The following CLEC18B variants were observed in gnomAD, a reference collection of about 807,000 sequenced individuals.
CLEC18B encodes the protein C-type lectin domain family 18 member B.
CLEC18B carries 5 observed loss-of-function variants against 60.4 expected under a neutral mutation model. The observed-to-expected ratio is 0.08, with a 90% CI of 0.04 to 0.17. The LOEUF (loss-of-function observed/expected upper bound fraction) is 0.17, where lower values mean the gene tolerates loss of function less well. CLEC18B is among the 10% of genes least tolerant of loss of function. CLEC18B has a pLI of 1.00. For synonymous variants in CLEC18B, 16 were observed against 221.2 expected (o/e 0.07, Z 8.23); for missense variants, 26 against 572.8 (o/e 0.05, Z 9.74).
At chr16:74,416,211 C>G (rs1428850020) in intron 3 of CLEC18B, among the ~76,000 whole-genome samples, 1 of 147,618 alleles carries the variant, frequency 6.8e-6, no homozygotes, top group African/African-American at 2.4e-5. Context: ...TGCAGTGAGC[C>G]GAGATCGCAC....
At chr16:74,421,599 C>T (rs2013691702), upstream of CLEC18B, 4 of 483,478 alleles carry the variant, frequency 8.3e-6, no homozygotes, top group South Asian at 2.2e-5. Context: ...TATTAGCACC[C>T]TTGGGGAGCC....
Position 74,413,124 on chromosome 16 carries a change from G to C in CLEC18B, c.589C>G (p.Pro197Ala). 6.2e-7 allele frequency: 1 copy of C among 1,612,120 alleles called. No homozygotes were observed. Among genetic ancestry groups the C allele is most frequent in the East Asian group, 2.2e-5 (1 of 44,894 alleles). ...NWEVNGKTII[P>A]YKKGAWCSLC... Reference sequence around the variant, plus strand: ...GAACACCAGGCACCCTTCTTATAGGGGATGATTGTCTTCCCGTTGACCTCC... The same window carrying C: ...GAACACCAGGCACCCTTCTTATAGGCGATGATTGTCTTCCCGTTGACCTCC... Residue 197 changes from proline (P) to alanine (A), a missense_variant, in exon 5 of 12, where the codon CCC becomes GCC. Coordinates refer to ENST00000682950, the MANE Select transcript of CLEC18B (RefSeq NM_001385193.1).
intron 2 of CLEC18B, among the ~76,000 whole-genome samples, chr16:74,419,085 G>A (rs1481519607): frequency 3.9e-5 from 6 of 152,102 alleles, no homozygotes; most frequent in Non-Finnish European, 2.9e-5. Flanking sequence ...GTGAGCCACC[G>A]TGCCCAGCCC....
chr16:74,413,218 G>C, intron 4 of CLEC18B, 60 bp from the exon 5 acceptor site: 1 of 1,611,256 alleles, frequency 6.2e-7, no homozygotes, highest in Admixed American at 1.7e-5. Context: ...CAAGGCAGTG[G>C]CAGGGCCCTG....
chr16:74,420,900 C>A lies in CLEC18B; in HGVS notation c.124+247G>T, dbSNP rs576080053. On this transcript the variant is annotated intron_variant, in intron 1 of 11. Coordinates refer to ENST00000682950, the MANE Select transcript of CLEC18B (RefSeq NM_001385193.1). ...GGCCACGGATTTCTCCAGGCCCCAG[C>A]CACAGCGCTCCTCGGCGTTCCTCCT... Among the ~76,000 whole-genome samples, 46 of 122,080 alleles carry A rather than the reference C, an allele frequency of 3.8e-4. No individual in the cohort carries two copies. The South Asian group carries it at 0.014, about 38-fold the overall frequency. The allele number at this position is 122,080 out of a possible 152,430, so 80.1% of individuals were successfully genotyped here.
At chr16:74,411,167 C>G (rs1234766458) in intron 8 of CLEC18B, 133 bp from the exon 9 acceptor site, 2 of 1,392,420 alleles carry the variant, frequency 1.4e-6, no homozygotes, top group African/African-American at 2.9e-5. Flanking sequence ...GCCCGCACAG[C>G]CTCCCTTCCA....
At chr16:74,418,693 T>G (rs1000599627) in intron 2 of CLEC18B, among the ~76,000 whole-genome samples, 2 of 152,216 alleles carry the variant, frequency 1.3e-5, no homozygotes, top group African/African-American at 4.8e-5. Flanking sequence ...CCTCCTGTGA[T>G]GCAAAAAGCC....
In CLEC18B at chr16:74,413,575, T is replaced by C. The variant is rs765824619; in HGVS notation, c.554+4A>G. ...ATCCCAGCAGAAGGTGTAGCAGGGC[T>C]TACCCGGGGGAGTAGGCACAGACAA... On this transcript the variant is annotated splice_donor_region_variant and intron_variant, in intron 4 of 11. Coordinates refer to ENST00000682950, the MANE Select transcript of CLEC18B (RefSeq NM_001385193.1). 1 of 1,614,090 alleles carries C rather than the reference T, an allele frequency of 6.2e-7. No homozygotes were observed. The highest frequency in any genetic ancestry group is 1.1e-5 in the South Asian group (1 of 91,084).
upstream of CLEC18B, among the ~76,000 whole-genome samples, chr16:74,424,045 T>C (rs1474504455): frequency 2.0e-5 from 3 of 152,188 alleles, no homozygotes; most frequent in African/African-American, 7.2e-5. Flanking sequence ...TACTACAGGG[T>C]TTACATCCAC....
At chr16:74,410,213 T>G (rs1400480950) in intron 10 of CLEC18B, among the ~76,000 whole-genome samples, 1 of 152,296 alleles carries the variant, frequency 6.6e-6, no homozygotes, top group Non-Finnish European at 1.5e-5. Flanking sequence ...GTGTAACTGA[T>G]GCAGGCAGAG....
upstream of CLEC18B, chr16:74,422,192 AT>A (rs1170382678): frequency 6.6e-6 from 1 of 152,058 alleles, no homozygotes; most frequent in African/African-American, 2.4e-5. Flanking sequence ...GGCTGGCGTG[AT>A]CCCACCAGAG....
rs1190852405 is a variant in CLEC18B, at chr16:74,419,157, C to G, written c.217-859G>C. ...ACCCCTGGGTGACTTGGTGCAGTCC[C>G]CTGATCTCCCGAGACTCCCTGAGCT... On this transcript the variant is annotated intron_variant, in intron 2 of 11. Coordinates refer to ENST00000682950, the MANE Select transcript of CLEC18B (RefSeq NM_001385193.1). 7.9e-5 allele frequency among the ~76,000 whole-genome samples: 12 copies of G among 152,388 alleles called. No individual in the cohort carries two copies. The East Asian group carries it at 1.4e-3, about 17-fold the overall frequency.
At chr16:74,419,260 C>T (rs1485613279) in intron 2 of CLEC18B, among the ~76,000 whole-genome samples, 8 of 152,062 alleles carry the variant, frequency 5.3e-5, no homozygotes, top group South Asian at 2.1e-4. Context: ...GGGGGCCCCT[C>T]GGGGCTGCAC....
chr16:74,414,132 C>T (rs2013318824), intron 3 of CLEC18B, among the ~76,000 whole-genome samples: 1 of 152,306 alleles, frequency 6.6e-6, no homozygotes, highest in Admixed American at 6.5e-5. Flanking sequence ...GCCTCGGCCT[C>T]CCAAAGTGCT....
upstream of CLEC18B, among the ~76,000 whole-genome samples, chr16:74,423,562 G>T (rs2013752104): frequency 6.6e-6 from 1 of 152,234 alleles, no homozygotes; most frequent in Admixed American, 6.5e-5. Context: ...GGTGGTGGGT[G>T]CCTGTAGTCC....
intron 2 of CLEC18B, among the ~76,000 whole-genome samples, chr16:74,419,316 TC>T (rs2013568575): frequency 6.6e-6 from 1 of 151,904 alleles, no homozygotes; most frequent in Non-Finnish European, 1.5e-5. Flanking sequence ...GGGTTTTACC[TC>T]TGATGAAGGC....
At chr16:74,422,441 A>C, upstream of CLEC18B, 1 of 151,428 alleles carries the variant, frequency 6.6e-6, no homozygotes, top group East Asian at 2.0e-4. Context: ...GCTGAGATGC[A>C]GGTAGGGTTG....
intron 4 of CLEC18B, 46 bp downstream of exon 4, chr16:74,413,533 C>T (rs779972610): frequency 4.3e-6 from 7 of 1,613,854 alleles, no homozygotes; most frequent in Non-Finnish European, 8.5e-7. Context: ...GAAAGCACCC[C>T]TCCCTGTCTC....
chr16:74,415,555 G>GTA (rs1445025619), intron 3 of CLEC18B, among the ~76,000 whole-genome samples: 1 of 151,966 alleles, frequency 6.6e-6, no homozygotes, highest in African/African-American at 2.4e-5. Context: ...AGCTTTAAAT[G>GTA]TATATAGTAG....
Sources: gnomAD v4.1 joint callset for allele counts (sites outside exome capture counted in the v4.1 genomes callset) on GRCh38, gnomAD v4.1.1 for gene constraint, MANE v1.5 for transcripts, NCBI Gene and HGNC (gene_info 2026-07-23, HGNC 2026-07-21) for gene names.